Variants in ROBO1 observed in about 807,000 individuals in gnomAD.
The protein encoded by ROBO1 is roundabout homolog 1.
Under a neutral mutation model 195.9 loss-of-function variants are expected in ROBO1, and 149 were observed. The observed-to-expected ratio is 0.76, with a 90% CI of 0.67 to 0.87. The LOEUF is 0.87. ROBO1 is among the 40% of genes least tolerant of loss of function. The probability of loss-of-function intolerance (pLI) is 0.00; values close to 1 mark genes in which losing one functional copy is unlikely to be tolerated. For synonymous variants in ROBO1, 816 were observed against 733.2 expected (o/e 1.11, Z -1.82); for missense variants, 1,933 against 2,068.3 (o/e 0.93, Z 1.27).
At chr3:79,599,141 C>A (rs1284701066) in intron 1 of ROBO1, among the ~76,000 whole-genome samples, 1 of 151,988 alleles carries the variant, frequency 6.6e-6, no homozygotes, top group Non-Finnish European at 1.5e-5. Flanking sequence ...TATTTTATCA[C>A]TACAAAATGA....
intron 2 of ROBO1, among the ~76,000 whole-genome samples, chr3:79,205,636 G>A (rs1384964772): frequency 1.3e-5 from 2 of 152,074 alleles, no homozygotes; most frequent in Non-Finnish European, 2.9e-5. Context: ...GGCACTACCT[G>A]CTCAGAAGTG....
chr3:79,277,053 C>A (rs1013506414), intron 2 of ROBO1, among the ~76,000 whole-genome samples: 3 of 151,952 alleles, frequency 2.0e-5, no homozygotes, highest in Non-Finnish European at 2.9e-5. Flanking sequence ...ATGGAGAAAC[C>A]TTTAGAGATT....
chr3:79,388,687 C>T (rs11922390), intron 2 of ROBO1, among the ~76,000 whole-genome samples: 5,213 of 152,100 alleles, frequency 0.034, 198 homozygotes, highest in African/African-American at 0.098. Context: ...TAAAACTAGG[C>T]ACCTAGGTTC....
chr3:79,670,244 C>T (rs1274211206), intron 1 of ROBO1, among the ~76,000 whole-genome samples: 2 of 151,768 alleles, frequency 1.3e-5, no homozygotes, highest in Non-Finnish European at 2.9e-5. Flanking sequence ...GGTTCATGTT[C>T]AGTTTATTTA....
chr3:78,644,852 C>T lies in ROBO1; in HGVS notation c.2882+1296G>A, dbSNP rs150464334. ...AGGCTAGTGAAGAACATATCAAAGACACTCAAGAAGCACTTTCACATGCTT... is the reference window on the plus strand; with the variant it reads ...AGGCTAGTGAAGAACATATCAAAGATACTCAAGAAGCACTTTCACATGCTT... On this transcript the variant is annotated intron_variant, in intron 21 of 30. Transcript: ENST00000464233. 3.8e-4 allele frequency among the ~76,000 whole-genome samples: 58 copies of T among 152,312 alleles called. 1 individual carries two copies. The East Asian group carries it at 0.01, about 26-fold the overall frequency.
At chr3:79,084,233 T>C (rs1335978048) in intron 3 of ROBO1, among the ~76,000 whole-genome samples, 1 of 152,186 alleles carries the variant, frequency 6.6e-6, no homozygotes, top group Non-Finnish European at 1.5e-5. Context: ...CGGCGGTGGC[T>C]CACGCCTGTA....
At chr3:79,277,595 T>G (rs1576912171) in intron 2 of ROBO1, among the ~76,000 whole-genome samples, 1 of 152,046 alleles carries the variant, frequency 6.6e-6, no homozygotes, top group Non-Finnish European at 1.5e-5. Context: ...AATAATTTAT[T>G]GTACATTTAA....
chr3:79,296,194 T>G (rs1254358156), intron 2 of ROBO1, among the ~76,000 whole-genome samples: 1 of 152,164 alleles, frequency 6.6e-6, no homozygotes, highest in Non-Finnish European at 1.5e-5. Context: ...AAATTTCTTA[T>G]AAGAAGCATT....
chr3:78,993,742 G>C (rs2077290957), intron 3 of ROBO1, among the ~76,000 whole-genome samples: 1 of 152,082 alleles, frequency 6.6e-6, no homozygotes, highest in South Asian at 2.1e-4. Context: ...TTCCTATGAG[G>C]CTTTTGCTGT....
At chr3:79,641,002 C>T (rs977321792) in intron 1 of ROBO1, among the ~76,000 whole-genome samples, 1 of 152,032 alleles carries the variant, frequency 6.6e-6, no homozygotes, top group Admixed American at 6.6e-5. Flanking sequence ...GTTCCAATAA[C>T]TGAAATTAAA....
intron 1 of ROBO1, among the ~76,000 whole-genome samples, chr3:79,734,198 C>T (rs1703282034): frequency 6.6e-6 from 1 of 152,086 alleles, no homozygotes; most frequent in African/African-American, 2.4e-5. Context: ...CCTCTCACCT[C>T]GGCCTCCCAA....
chr3:78,933,463 C>T (rs2039640949), intron 4 of ROBO1, among the ~76,000 whole-genome samples: 1 of 152,078 alleles, frequency 6.6e-6, no homozygotes, highest in Non-Finnish European at 1.5e-5. Flanking sequence ...GCTATATTTA[C>T]TTCAAGAGAT....
chr3:79,379,378 A>T (rs1026869067), intron 2 of ROBO1, among the ~76,000 whole-genome samples: 8 of 152,190 alleles, frequency 5.3e-5, no homozygotes, highest in Non-Finnish European at 1.0e-4. Flanking sequence ...ACATCAGCAC[A>T]GGATTAAATG....
At chr3:79,314,554 C>A (rs952222837) in intron 2 of ROBO1, among the ~76,000 whole-genome samples, 1 of 152,320 alleles carries the variant, frequency 6.6e-6, no homozygotes, top group African/African-American at 2.4e-5. Context: ...AACTGTGAGT[C>A]AATTAAGCCT....
chr3:78,799,690 GGGTCCT>G (rs1322840484), intron 4 of ROBO1, among the ~76,000 whole-genome samples: 1 of 151,960 alleles, frequency 6.6e-6, no homozygotes, highest in East Asian at 1.9e-4. Context: ...GCCTCTATCT[GGGTCCT>G]GGTCTTCCTT....
intron 2 of ROBO1, among the ~76,000 whole-genome samples, chr3:79,250,736 C>T (rs766689876): frequency 6.6e-6 from 1 of 151,774 alleles, no homozygotes. Context: ...ATATATAAAC[C>T]CTATGGAATA....
At chr3:79,010,679 T>G (rs760097468) in intron 3 of ROBO1, among the ~76,000 whole-genome samples, 47 of 152,132 alleles carry the variant, frequency 3.1e-4, no homozygotes, top group African/African-American at 1.2e-4. Flanking sequence ...GCTCTTAAGA[T>G]TCAATGACCT....
intron 2 of ROBO1, among the ~76,000 whole-genome samples, chr3:79,382,979 G>A (rs756223946): frequency 6.6e-6 from 1 of 152,170 alleles, no homozygotes; most frequent in East Asian, 1.9e-4. Context: ...AGTAACCTTC[G>A]ACACCAAGGA....
At chr3:79,179,762 C>T (rs965286294) in intron 2 of ROBO1, among the ~76,000 whole-genome samples, 25 of 152,296 alleles carry the variant, frequency 1.6e-4, no homozygotes, top group Admixed American at 1.4e-3. Context: ...AAAACAATTA[C>T]ATCTGATTAT....
Sources: gnomAD v4.1 joint callset for allele counts (sites outside exome capture counted in the v4.1 genomes callset) on GRCh38, gnomAD v4.1.1 for gene constraint, MANE v1.5 for transcripts, NCBI Gene and HGNC (gene_info 2026-07-23, HGNC 2026-07-21) for gene names.